Variants in MASP1 observed in about 807,000 individuals in gnomAD.
The protein encoded by MASP1 is MBL associated serine protease 1, also known as mannan-binding lectin serine protease 1.
Under a neutral mutation model 77.1 loss-of-function variants are expected in MASP1, and 59 were observed. That is an observed-to-expected ratio of 0.77 (90% CI 0.62 to 0.95). The LOEUF (loss-of-function observed/expected upper bound fraction) is 0.95, where lower values mean the gene tolerates loss of function less well. Among genes scored for constraint, MASP1 ranks in the 40% least tolerant of loss-of-function variants. MASP1 has a pLI of 0.00. For missense variants in MASP1, 885 were observed against 912.9 expected, an observed-to-expected ratio of 0.97 and a Z score of 0.39; for synonymous variants, 362 against 354.5, an observed-to-expected ratio of 1.02 and a Z score of -0.24.
intron 2 of MASP1, among the ~76,000 whole-genome samples, chr3:187,269,157 T>C (rs1716313848): frequency 1.3e-5 from 2 of 151,832 alleles, no homozygotes; most frequent in African/African-American, 4.8e-5. Context: ...TGTTAAGACC[T>C]AGAAGATTTA....
Position 187,234,092 on chromosome 3 carries a change from C to G in MASP1, c.*1592G>C, listed in dbSNP as rs1045131701. On this transcript the variant is annotated 3_prime_UTR_variant, in exon 11 of 11. Coordinates refer to ENST00000296280, the MANE Select transcript of MASP1 (RefSeq NM_139125.4). The stretch of plus-strand genomic sequence containing the variant: ...CCCATAAGCCAAGGCTGTTGGTTAT[C>G]CACGAGGGTTTATTTCCACTTGAGA... The G allele has an allele frequency of 1.1e-5, 14 of 1,272,916 alleles. No homozygotes were observed. In the Admixed American group the frequency reaches 1.6e-4, roughly 15 times the overall value. 78.9% of individuals were successfully genotyped at this position (1,272,916 alleles called of 1,614,324 possible). A position where few individuals can be genotyped will look rare whatever the true frequency, so the allele number is the denominator to read the frequency against.
At chr3:187,240,623 C>T (rs1713555860) in intron 10 of MASP1, among the ~76,000 whole-genome samples, 1 of 151,992 alleles carries the variant, frequency 6.6e-6, no homozygotes, top group Admixed American at 6.6e-5. Flanking sequence ...ATGCAAATCA[C>T]CCATACTATT....
intron 2 of MASP1, among the ~76,000 whole-genome samples, chr3:187,268,442 A>G (rs543468483): frequency 2.0e-5 from 3 of 152,010 alleles, no homozygotes; most frequent in African/African-American, 7.2e-5. Context: ...AGCCACGATC[A>G]TGCCACTACA....
intron 1 of MASP1, among the ~76,000 whole-genome samples, chr3:187,289,358 C>T (rs1521598): frequency 1.0e-3 from 154 of 152,226 alleles, no homozygotes; most frequent in African/African-American, 3.4e-3. Context: ...GGATCCTTTA[C>T]AGAGCACCCT....
In MASP1 at chr3:187,282,484, AGATTCCGTTTC is replaced by A. The variant is rs1478208340; in HGVS notation, c.237+3330_237+3340del. ...TGCACTCCAGCCTGGCAACAGAGCA[AGATTCCGTTTC>A]AAAAAAAAAAAAAAAAAGAAGAAGA... On this transcript the variant is annotated intron_variant, in intron 2 of 10. Transcript: ENST00000296280. Among the ~76,000 whole-genome samples, 631 of 115,648 alleles carry A rather than the reference AGATTCCGTTTC, an allele frequency of 5.5e-3. 3 individuals carry two copies. Among genetic ancestry groups the A allele is most frequent in the Non-Finnish European group, 6.9e-3 (386 of 56,020 alleles). 75.9% of individuals were successfully genotyped at this position (115,648 alleles called of 152,430 possible). A position where few individuals can be genotyped will look rare whatever the true frequency, so the allele number is the denominator to read the frequency against.
At chr3:187,219,761 G>T in exon 16 of MASP1, 2 of 415,514 alleles carry the variant, frequency 4.8e-6, no homozygotes, top group Non-Finnish European at 4.5e-6. Flanking sequence ...AGACTTTTAC[G>T]AGGTAGGTAA....
chr3:187,265,016 A>T (rs900386304), intron 2 of MASP1, among the ~76,000 whole-genome samples: 2 of 152,136 alleles, frequency 1.3e-5, no homozygotes, highest in African/African-American at 2.4e-5. Context: ...ATCCACTTGT[A>T]AAAACAGGGG....
chr3:187,227,804 C>T (rs1417438674), intron 11 of MASP1, among the ~76,000 whole-genome samples: 1 of 152,158 alleles, frequency 6.6e-6, no homozygotes, highest in Non-Finnish European at 1.5e-5. Context: ...TTTAGATGAA[C>T]CCAGGGGTGT....
At chr3:187,226,613 C>A (rs926665500) in intron 11 of MASP1, 7 of 824,894 alleles carry the variant, frequency 8.5e-6, no homozygotes, top group Non-Finnish European at 1.4e-5. Flanking sequence ...CTCCAGAGGA[C>A]CCCTCAAGAC....
intron 1 of MASP1, among the ~76,000 whole-genome samples, chr3:187,286,666 G>A (rs1379657757): frequency 6.6e-6 from 1 of 152,180 alleles, no homozygotes; most frequent in East Asian, 1.9e-4. Context: ...AAAGAGACAA[G>A]GAAAATTCAA....
chr3:187,224,395 G>T (rs1028755776), intron 13 of MASP1, among the ~76,000 whole-genome samples: 5 of 140,480 alleles, frequency 3.6e-5, no homozygotes, highest in South Asian at 4.6e-4. Flanking sequence ...CGCCCAGGCT[G>T]GAGTGCAGTG....
chr3:187,256,682 G>T lies in MASP1; in HGVS notation c.726C>A (p.Cys242Ter), dbSNP rs754845693. 5.0e-6 allele frequency: 8 copies of T among 1,613,862 alleles called. No individual in the cohort carries two copies. The highest frequency in any genetic ancestry group is 6.8e-6 in the Non-Finnish European group (8 of 1,180,026). The change falls in exon 5 of 11, where the codon TGC becomes TGA. Residue 242 changes from cysteine to a stop codon, truncating the protein, a stop_gained. Transcript: ENST00000296280. LOFTEE classifies it high-confidence loss of function. ...GGCTCACCTTGATGTAGTCATAGGG[G>T]CAGGGCACCTCAGGATGGTCCTCAA... is the stretch of plus-strand genomic sequence containing the variant. ...FDIEDHPEVP[C>*]PYDYIKIKVG... is the part of the protein sequence containing the mutation.
At position 187,285,903 on chromosome 3, in the gene MASP1, T is replaced by C. The variant is rs1717808871; in HGVS notation, c.159A>G (p.Pro53=). The change falls in exon 2 of 11, where the codon CCA becomes CCG. Residue 53 remains proline, a synonymous_variant. Coordinates refer to ENST00000296280, the MANE Select transcript of MASP1 (RefSeq NM_139125.4). ...AGTAAAGCTTGATCCGAAACCCATCTGGGACAGTGATATTCCAAGTCACCT... is the reference window on the plus strand; with the variant it reads ...AGTAAAGCTTGATCCGAAACCCATCCGGGACAGTGATATTCCAAGTCACCT... ...DSEVTWNITV[P]DGFRIKLYFM... 1 of 1,614,200 alleles carries C rather than the reference T, an allele frequency of 6.2e-7. No individual in the cohort carries two copies. Among genetic ancestry groups the C allele is most frequent in the Non-Finnish European group, 8.5e-7 (1 of 1,180,008 alleles).
chr3:187,259,600 C>T (rs1356523192), intron 4 of MASP1, among the ~76,000 whole-genome samples: 5 of 151,784 alleles, frequency 3.3e-5, no homozygotes, highest in African/African-American at 7.3e-5. Context: ...CATTCTTGGC[C>T]CTGACTGTAC....
intron 1 of MASP1, 113 bp from the exon 2 acceptor site, chr3:187,286,169 G>GT (rs1717843780): frequency 1.2e-6 from 1 of 847,670 alleles, no homozygotes; most frequent in Non-Finnish European, 1.9e-6. Flanking sequence ...CTGGCCTGCC[G>GT]TAATTAGCTT....
At chr3:187,230,008 T>C (rs1712674085), downstream of MASP1, 2 of 1,293,100 alleles carry the variant, frequency 1.5e-6, no homozygotes, top group African/African-American at 3.0e-5. Flanking sequence ...TTTTTGCTCC[T>C]CCACCATTAA....
At chr3:187,270,497 A>G (rs1716432246) in intron 2 of MASP1, among the ~76,000 whole-genome samples, 1 of 152,078 alleles carries the variant, frequency 6.6e-6, no homozygotes, top group Admixed American at 6.5e-5. Context: ...TTAGTAATTT[A>G]ACATCCACTG....
chr3:187,286,326 C>T (rs547565190), intron 1 of MASP1, among the ~76,000 whole-genome samples: 17 of 152,318 alleles, frequency 1.1e-4, no homozygotes, highest in Non-Finnish European at 2.1e-4. Flanking sequence ...GGGAGTCTGA[C>T]ATTTCCATTT....
At chr3:187,264,492 T>C (rs1463908900) in intron 2 of MASP1, among the ~76,000 whole-genome samples, 3 of 152,080 alleles carry the variant, frequency 2.0e-5, no homozygotes, top group Non-Finnish European at 4.4e-5. Flanking sequence ...AAAAAAGTAC[T>C]TTAAAGAAGT....
Sources: gnomAD v4.1 joint callset for allele counts (sites outside exome capture counted in the v4.1 genomes callset) on GRCh38, gnomAD v4.1.1 for gene constraint, MANE v1.5 for transcripts, NCBI Gene and HGNC (gene_info 2026-07-23, HGNC 2026-07-21) for gene names.